MGST1: variants seen among roughly 807,000 people sequenced by gnomAD.
MGST1 encodes the protein glutathione S-transferase 12.
In MGST1, 5 loss-of-function variants were observed where a neutral mutation model predicts 8.9. The observed-to-expected ratio is 0.56, with a 90% CI of 0.29 to 1.19. MGST1 has a LOEUF of 1.19. Ranked by LOEUF, MGST1 falls within the 50% of genes most tolerant of loss-of-function variation. The probability of loss-of-function intolerance (pLI) is 0.08; values close to 1 mark genes in which losing one functional copy is unlikely to be tolerated. For missense variants in MGST1, 182 were observed against 187.4 expected (o/e 0.97, Z 0.17); for synonymous variants, 54 against 67.8 (o/e 0.80, Z 1.00).
At chr12:16,454,702 A>G (rs1941156490) in intron 4 of MGST1, among the ~76,000 whole-genome samples, 1 of 151,888 alleles carries the variant, frequency 6.6e-6, no homozygotes, top group Non-Finnish European at 1.5e-5. Context: ...AGAAGAAGTC[A>G]GAGATGAATC....
At chr12:16,391,521 C>A (rs1591715469) in intron 1 of MGST1, among the ~76,000 whole-genome samples, 1 of 151,940 alleles carries the variant, frequency 6.6e-6, no homozygotes, top group Non-Finnish European at 1.5e-5. Flanking sequence ...GCATAGTATT[C>A]CATAGTGTAT....
At chr12:16,365,241 A>T (rs192172441), downstream of MGST1, among the ~76,000 whole-genome samples, 1 of 140,930 alleles carries the variant, frequency 7.1e-6, no homozygotes, top group East Asian at 2.4e-4. Context: ...ACTATGTAGC[A>T]CGTAAATCAC....
At chr12:16,408,742 C>G (rs1005406397) in intron 1 of MGST1, among the ~76,000 whole-genome samples, 4 of 152,092 alleles carry the variant, frequency 2.6e-5, no homozygotes, top group African/African-American at 7.2e-5. Flanking sequence ...ACTTCTAGAT[C>G]TCTGATTTAA....
intron 4 of MGST1, chr12:16,550,600 A>T (rs1340589811): frequency 3.9e-5 from 6 of 152,382 alleles, no homozygotes; most frequent in African/African-American, 1.4e-4. Context: ...ATAGGGGGTT[A>T]TAACAAGAAC....
intron 1 of MGST1, among the ~76,000 whole-genome samples, chr12:16,435,228 TACAA>T (rs1308230546): frequency 6.6e-6 from 1 of 151,932 alleles, no homozygotes; most frequent in Non-Finnish European, 1.5e-5. Flanking sequence ...CAATTAAATG[TACAA>T]ACAAAGCATA....
At chr12:16,505,769 C>A (rs146510299) in intron 4 of MGST1, among the ~76,000 whole-genome samples, 7 of 152,294 alleles carry the variant, frequency 4.6e-5, no homozygotes, top group African/African-American at 1.4e-4. Flanking sequence ...TAATTCCATG[C>A]CTAAATACAT....
intron 1 of MGST1, among the ~76,000 whole-genome samples, chr12:16,414,023 A>G (rs1042561683): frequency 6.6e-6 from 1 of 152,040 alleles, no homozygotes; most frequent in Non-Finnish European, 1.5e-5. Context: ...AAGTATTATG[A>G]TATTTGCCTG....
At chr12:16,520,369 G>A (rs1379646229) in intron 4 of MGST1, among the ~76,000 whole-genome samples, 6 of 152,100 alleles carry the variant, frequency 3.9e-5, no homozygotes, top group East Asian at 1.9e-4. Flanking sequence ...CAATCTAATC[G>A]GGAAGGAAAG....
chr12:16,415,785 T>G (rs721937), intron 1 of MGST1, among the ~76,000 whole-genome samples: 83,765 of 151,934 alleles, frequency 0.55, 24,634 homozygotes, highest in East Asian at 0.87. Flanking sequence ...ATGTGGAGGG[T>G]TGCTTCCTAC....
rs1941765585 is a variant in MGST1, at chr12:16,537,995, T to C, written n.483-51533T>C. Among the ~76,000 whole-genome samples the C allele has an allele frequency of 6.6e-6, 1 of 152,224 alleles. No homozygotes were observed. The highest frequency in any genetic ancestry group is 2.1e-4 in the South Asian group (1 of 4,834). ...AATTTCTTCTCAAAAAATGGGTTGT[T>C]CTTTTCTACTGCATCATCTGGCTGC... On this transcript the variant is annotated intron_variant and non_coding_transcript_variant, in intron 4 of 4. Transcript: ENST00000538857. This position sits in a 1 kb window ranked among gnomAD's most constrained non-coding sequence, Gnocchi z 4.6.
chr12:16,425,081 T>C (rs1467591313), intron 1 of MGST1, among the ~76,000 whole-genome samples: 1 of 152,144 alleles, frequency 6.6e-6, no homozygotes, highest in African/African-American at 2.4e-5. Context: ...CTGAATCAAT[T>C]TGATTCAGGT....
intron 1 of MGST1, among the ~76,000 whole-genome samples, chr12:16,426,795 CA>C (rs1232690928): frequency 6.6e-6 from 1 of 151,758 alleles, no homozygotes; most frequent in Non-Finnish European, 1.5e-5. Context: ...ACTAAAAATA[CA>C]AAAACAACAA....
intron 4 of MGST1, among the ~76,000 whole-genome samples, chr12:16,508,956 G>A (rs148558867): frequency 9.9e-5 from 15 of 152,250 alleles, no homozygotes; most frequent in African/African-American, 3.6e-4. Context: ...AGTACCCTTT[G>A]CCAGCAGTGG....
intron 1 of MGST1, among the ~76,000 whole-genome samples, chr12:16,433,106 C>T (rs1022219326): frequency 3.9e-5 from 6 of 152,064 alleles, no homozygotes; most frequent in African/African-American, 1.2e-4. Flanking sequence ...GAAGCCAGTC[C>T]AAGTCCCAAA....
Position 16,394,933 on chromosome 12 carries a change from T to TA in MGST1, n.778+11330dup, listed in dbSNP as rs1940592226. ...TTTCTTATGGATTCATAGTTTTTTT[T>TA]ATATACTGAAAACTAGCCCCTATCA... On this transcript the variant is annotated intron_variant and non_coding_transcript_variant, in intron 1 of 1. Coordinates refer to the MGST1 transcript ENST00000359720. Among the ~76,000 whole-genome samples the TA allele has an allele frequency of 8.5e-5, 13 of 152,048 alleles. 1 individual carries two copies. In the South Asian group the frequency reaches 2.7e-3, roughly 32 times the overall value.
At chr12:16,511,973 C>T (rs530666033) in intron 4 of MGST1, among the ~76,000 whole-genome samples, 1 of 152,254 alleles carries the variant, frequency 6.6e-6, no homozygotes, top group South Asian at 2.1e-4. Flanking sequence ...GCCTGGGAGC[C>T]ATTCAGTGTT....
intron 1 of MGST1, among the ~76,000 whole-genome samples, chr12:16,430,147 A>G (rs780349986): frequency 2.6e-5 from 4 of 152,154 alleles, no homozygotes; most frequent in African/African-American, 4.8e-5. Context: ...CATCTATTAA[A>G]GTGTTATTAT....
At chr12:16,502,096 C>T (rs952884007) in intron 4 of MGST1, among the ~76,000 whole-genome samples, 31 of 152,114 alleles carry the variant, frequency 2.0e-4, no homozygotes, top group African/African-American at 4.8e-4. Context: ...ATATGATTGT[C>T]GAAGACAAAT....
In MGST1 at chr12:16,354,435, A is replaced by G. The variant is rs949423461; in HGVS notation, c.126+57A>G. 4 of 1,538,972 alleles carry G rather than the reference A, an allele frequency of 2.6e-6. No individual in the cohort carries two copies. The Admixed American group carries it at 6.9e-5, about 27-fold the overall frequency. Reference sequence around the variant, plus strand: ...TTTAAGAGTTGGAATTCTGGAGAGCAGTTTTCTTAATTTTCTTTTTTTATT... The same window carrying G: ...TTTAAGAGTTGGAATTCTGGAGAGCGGTTTTCTTAATTTTCTTTTTTTATT... On this transcript the variant is annotated intron_variant, in intron 2 of 3. Transcript: ENST00000396210.
Sources: gnomAD v4.1 joint callset for allele counts (sites outside exome capture counted in the v4.1 genomes callset) on GRCh38, gnomAD v4.1.1 for gene constraint, Gnocchi (gnomAD v3.1) non-coding constraint, MANE v1.5 for transcripts, NCBI Gene and HGNC (gene_info 2026-07-23, HGNC 2026-07-21) for gene names.